RASAL2: variants seen among roughly 807,000 people sequenced by gnomAD.
RASAL2 encodes ras GTPase-activating protein nGAP.
A neutral mutation model predicts 128.9 loss-of-function variants in RASAL2; 58 were observed. The observed-to-expected ratio is 0.45, with a 90% CI of 0.36 to 0.56. The LOEUF is 0.56. Ranked by LOEUF, RASAL2 falls within the 20% of genes least tolerant of loss-of-function variation. RASAL2 has a pLI of 0.00. For synonymous variants in RASAL2, 561 were observed against 580.8 expected (o/e 0.97, Z 0.49); for missense variants, 1,360 against 1,601.6 (o/e 0.85, Z 2.57).
rs771101877 is a variant in RASAL2 at position 178,465,988 on chromosome 1, A to G, written c.3456A>G (p.Glu1152=). The change falls in exon 16 of 18, where the codon GAA becomes GAG. Residue 1152 remains glutamate (E), a synonymous_variant. Coordinates refer to ENST00000367649, the MANE Select transcript of RASAL2 (RefSeq NM_170692.4). ...CCAGCCGGCGACTGGAGGAATATGA[A>G]CGCCGCTTGCTGGTGCAGGAGCAGC... ...RVSSRRLEEY[E]RRLLVQEQQM... 1 of 1,558,992 alleles carries G rather than the reference A, an allele frequency of 6.4e-7. No individual in the cohort carries two copies. Among genetic ancestry groups the G allele is most frequent in the East Asian group, 2.4e-5 (1 of 41,700 alleles).
Position 178,158,072 on chromosome 1 carries a change from A to G in RASAL2, c.202+63378A>G, listed in dbSNP as rs560674068. Among the ~76,000 whole-genome samples the G allele has an allele frequency of 3.9e-5, 6 of 152,322 alleles. No homozygotes were observed. In the East Asian group the frequency reaches 9.6e-4, roughly 24 times the overall value. ...ATTTTGACTGCTTTGTTATGTTTGTACAATATATATCAAGAGACCAGGTTA... is the reference window on the plus strand; with the variant it reads ...ATTTTGACTGCTTTGTTATGTTTGTGCAATATATATCAAGAGACCAGGTTA... On this transcript the variant is annotated intron_variant, in intron 1 of 17. Coordinates refer to ENST00000367649, the MANE Select transcript of RASAL2 (RefSeq NM_170692.4).
At chr1:178,141,397 G>A (rs1026144676) in intron 1 of RASAL2, among the ~76,000 whole-genome samples, 1 of 151,776 alleles carries the variant, frequency 6.6e-6, no homozygotes, top group South Asian at 2.1e-4. Flanking sequence ...AGACTAATTG[G>A]TATTTTAATG....
intron 1 of RASAL2, among the ~76,000 whole-genome samples, chr1:178,118,180 A>G (rs1659582532): frequency 6.6e-6 from 1 of 151,304 alleles, no homozygotes; most frequent in South Asian, 2.1e-4. Flanking sequence ...AAAAAAAGAT[A>G]TATATATATT....
At chr1:178,387,175 A>T (rs770329631) in intron 3 of RASAL2, among the ~76,000 whole-genome samples, 5 of 152,186 alleles carry the variant, frequency 3.3e-5, no homozygotes, top group Non-Finnish European at 7.4e-5. Flanking sequence ...GTGGGGGTTG[A>T]GAAAGCAACA....
chr1:178,445,418 TTA>T, intron 8 of RASAL2, 98 bp from the exon 9 acceptor site: 1 of 1,321,358 alleles, frequency 7.6e-7, no homozygotes, highest in Non-Finnish European at 1.0e-6. Flanking sequence ...AGCTTTAGTT[TTA>T]AAGCAGCATT....
At chr1:178,136,756 C>CAAAAAAAAAA (rs397982072) in intron 1 of RASAL2, among the ~76,000 whole-genome samples, 19 of 47,206 alleles carry the variant, frequency 4.0e-4, no homozygotes, top group African/African-American at 1.8e-3. Flanking sequence ...GACTCTGTCT[C>CAAAAAAAAAA]AAAAAAAAAA....
intron 1 of RASAL2, among the ~76,000 whole-genome samples, chr1:178,283,035 T>C (rs74131306): frequency 0.11 from 16,853 of 152,196 alleles, 1,205 homozygotes; most frequent in African/African-American, 0.2. Flanking sequence ...TTATTTTCCA[T>C]GTTTTTAAGA....
At chr1:178,326,310 A>T (rs912753600) in intron 3 of RASAL2, among the ~76,000 whole-genome samples, 3 of 152,184 alleles carry the variant, frequency 2.0e-5, no homozygotes, top group Non-Finnish European at 4.4e-5. Flanking sequence ...TAGGTTCAAA[A>T]TTTCATTAGC....
rs767568879 is a variant in RASAL2 at position 178,283,620 on chromosome 1, A to C, written c.259A>C (p.Thr87Pro). The change falls in exon 2 of 18, where the codon ACA (threonine) becomes CCA (proline). Residue 87 changes from threonine (T) to proline (P), a missense_variant. Coordinates refer to ENST00000367649, the MANE Select transcript of RASAL2 (RefSeq NM_170692.4). ...TTGTGGTCAGTCACCCTACACCGAG[A>C]CAACAACGTGGGAGCGGAAGTATTG... ...LSCGQSPYTE[T>P]TTWERKYCIL... 2.5e-6 allele frequency: 4 copies of C among 1,614,022 alleles called. No homozygotes were observed. Among genetic ancestry groups the C allele is most frequent in the Admixed American group, 3.3e-5 (2 of 60,016 alleles).
At chr1:178,466,299 C>G (rs1647678309) in intron 16 of RASAL2, among the ~76,000 whole-genome samples, 177 bp downstream of exon 16, 1 of 152,170 alleles carries the variant, frequency 6.6e-6, no homozygotes, top group Non-Finnish European at 1.5e-5. Context: ...TTGGGCACTT[C>G]CTATGAAGAT....
intron 1 of RASAL2, among the ~76,000 whole-genome samples, chr1:178,095,007 A>G (rs765112697): frequency 3.3e-5 from 5 of 152,220 alleles, no homozygotes; most frequent in Non-Finnish European, 7.3e-5. Context: ...TCAAGAAGGT[A>G]TGATGGAAAA....
intron 1 of RASAL2, among the ~76,000 whole-genome samples, chr1:178,217,249 A>G (rs1663451750): frequency 6.6e-6 from 1 of 152,228 alleles, no homozygotes; most frequent in African/African-American, 2.4e-5. Context: ...TGCTGGGATT[A>G]CAGGCATGAG....
At position 178,305,832 on chromosome 1, in the gene RASAL2, A is replaced by G. The variant is rs184549020; in HGVS notation, c.457+5714A>G. Reference sequence around the variant, plus strand: ...AATGACATTCCTATTAGAATGTATGACAGAAGAAATGCAAAGACTAAGCCC... The same window carrying G: ...AATGACATTCCTATTAGAATGTATGGCAGAAGAAATGCAAAGACTAAGCCC... On this transcript the variant is annotated intron_variant, in intron 3 of 17. Transcript: ENST00000367649. Among the ~76,000 whole-genome samples the G allele has an allele frequency of 1.1e-3, 166 of 152,320 alleles. 1 individual carries two copies. The highest frequency in any genetic ancestry group is 3.7e-3 in the African/African-American group (155 of 41,580).
intron 1 of RASAL2, among the ~76,000 whole-genome samples, chr1:178,223,242 T>A (rs1663672279): frequency 6.6e-6 from 1 of 152,206 alleles, no homozygotes; most frequent in Admixed American, 6.5e-5. Context: ...CAGGCATTGA[T>A]TGATAATTTC....
intron 1 of RASAL2, among the ~76,000 whole-genome samples, chr1:178,248,274 T>C (rs906469895): frequency 6.6e-5 from 10 of 152,230 alleles, no homozygotes; most frequent in Non-Finnish European, 1.5e-5. Flanking sequence ...GCTTATATAT[T>C]TAGGATAGTT....
chr1:178,390,021 A>G (rs1214279109), intron 3 of RASAL2, 79 bp from the exon 4 acceptor site: 2 of 862,158 alleles, frequency 2.3e-6, no homozygotes, highest in Non-Finnish European at 3.7e-6. Flanking sequence ...ATTGTGAAAA[A>G]CCAGTAACTT....
chr1:178,374,749 C>A (rs1232400993), intron 3 of RASAL2, among the ~76,000 whole-genome samples: 1 of 152,154 alleles, frequency 6.6e-6, no homozygotes, highest in Non-Finnish European at 1.5e-5. Flanking sequence ...AATTGATTTA[C>A]TTCCTGTCTT....
intron 4 of RASAL2, among the ~76,000 whole-genome samples, chr1:178,405,825 G>A (rs1673967749): frequency 1.3e-5 from 2 of 152,182 alleles, no homozygotes; most frequent in African/African-American, 4.8e-5. Flanking sequence ...TTTAGAATTA[G>A]GGCTGTGTTT....
At chr1:178,395,806 T>G (rs1453413503) in intron 4 of RASAL2, among the ~76,000 whole-genome samples, 2 of 148,628 alleles carry the variant, frequency 1.3e-5, no homozygotes, top group Non-Finnish European at 3.0e-5. Flanking sequence ...TTTATTCATA[T>G]GTGTATGAAT....
Sources: allele counts gnomAD v4.1 joint callset (sites outside exome capture counted in the v4.1 genomes callset), GRCh38; gene constraint gnomAD v4.1.1; transcripts MANE v1.5; gene names NCBI Gene and HGNC (gene_info 2026-07-23, HGNC 2026-07-21).